WDR26: variants seen among roughly 807,000 people sequenced by gnomAD.
The protein encoded by WDR26 is WD repeat domain 26.
In WDR26, 5 loss-of-function variants were observed where a neutral mutation model predicts 84.1. The ratio of observed to expected loss-of-function variants is 0.06; its 90% confidence interval spans 0.03 to 0.13. WDR26 has a LOEUF of 0.13. WDR26 is among the 10% of genes least tolerant of loss of function. WDR26 has a pLI of 1.00. For missense variants in WDR26, 642 were observed against 974.9 expected (o/e 0.66, Z 4.55); for synonymous variants, 415 against 389.6 (o/e 1.07, Z -0.77).
At chr1:224,389,964 A>C (rs1377557260) in intron 13 of WDR26, 104 bp from the exon 14 acceptor site, 19 of 822,834 alleles carry the variant, frequency 2.3e-5, no homozygotes. Flanking sequence ...TAGCATTATG[A>C]CATTACAAAA....
intron 4 of WDR26, among the ~76,000 whole-genome samples, chr1:224,419,846 T>C (rs1674009187): frequency 6.8e-6 from 1 of 146,232 alleles, no homozygotes; most frequent in East Asian, 2.0e-4. Flanking sequence ...CTTATGTTAT[T>C]GTTATATATT....
intron 7 of WDR26, among the ~76,000 whole-genome samples, chr1:224,406,190 A>C (rs1028115693): frequency 2.0e-5 from 3 of 152,186 alleles, no homozygotes; most frequent in Admixed American, 1.3e-4. Context: ...TGTTATAAAA[A>C]GAAAAAAAGA....
chr1:224,427,925 T>C (rs1012649160), intron 3 of WDR26, among the ~76,000 whole-genome samples: 3 of 152,280 alleles, frequency 2.0e-5, no homozygotes, highest in East Asian at 1.9e-4. Context: ...GCTCTACTAA[T>C]GTTTATATTT....
At chr1:224,413,557 C>G (rs1361566561) in intron 6 of WDR26, among the ~76,000 whole-genome samples, 1 of 152,160 alleles carries the variant, frequency 6.6e-6, no homozygotes, top group Admixed American at 6.5e-5. Context: ...GCTTTAGACA[C>G]TTCACATATA....
chr1:224,392,259 G>A (rs1240671670), intron 13 of WDR26, among the ~76,000 whole-genome samples: 3 of 151,900 alleles, frequency 2.0e-5, no homozygotes, highest in African/African-American at 4.8e-5. Context: ...TACTCGGGAG[G>A]CTGAGGCAGG....
intron 7 of WDR26, among the ~76,000 whole-genome samples, chr1:224,407,638 A>G (rs1673620357): frequency 6.6e-6 from 1 of 151,348 alleles, no homozygotes; most frequent in African/African-American, 2.4e-5. Context: ...CCTCCAAAGT[A>G]GCTGGGACTA....
chr1:224,410,764 T>C (rs186957889), intron 7 of WDR26, among the ~76,000 whole-genome samples: 53 of 146,144 alleles, frequency 3.6e-4, no homozygotes, highest in Non-Finnish European at 1.9e-4. Flanking sequence ...AGTATCAAGG[T>C]CACAGCTCAC....
chr1:224,419,450 T>C, intron 5 of WDR26, 68 bp downstream of exon 5: 1 of 1,198,098 alleles, frequency 8.3e-7, no homozygotes, highest in Non-Finnish European at 1.2e-6. Context: ...TCTGTCTTCC[T>C]AATTGATCAC....
intron 7 of WDR26, among the ~76,000 whole-genome samples, chr1:224,410,101 T>C (rs1043960727): frequency 2.6e-5 from 4 of 151,648 alleles, no homozygotes; most frequent in Non-Finnish European, 4.4e-5. Context: ...GCCAACATGG[T>C]GAAACCCCAT....
chr1:224,393,201 G>A (rs971801000), intron 13 of WDR26, among the ~76,000 whole-genome samples: 2 of 152,168 alleles, frequency 1.3e-5, no homozygotes, highest in Non-Finnish European at 2.9e-5. Flanking sequence ...AATTAGTTTT[G>A]CCATGCTGCA....
chr1:224,401,193 T>A, intron 8 of WDR26, 124 bp from the exon 9 acceptor site: 1 of 898,374 alleles, frequency 1.1e-6, no homozygotes, highest in Non-Finnish European at 1.6e-6. Flanking sequence ...GAGTAATGAA[T>A]TAAGTGACCC....
At chr1:224,423,269 T>C (rs1327923045) in intron 4 of WDR26, among the ~76,000 whole-genome samples, 1 of 152,206 alleles carries the variant, frequency 6.6e-6, no homozygotes, top group Non-Finnish European at 1.5e-5. Flanking sequence ...GAACCTCCAA[T>C]ACAATGTTGA....
intron 1 of WDR26, 141 bp downstream of exon 1, chr1:224,433,543 A>T: frequency 8.4e-7 from 1 of 1,186,900 alleles, no homozygotes; most frequent in Non-Finnish European, 1.1e-6. Context: ...CCTCCTGTGT[A>T]CTGGGTCCTG....
At chr1:224,401,992 G>A (rs1009264209) in intron 8 of WDR26, 2 of 152,124 alleles carry the variant, frequency 1.3e-5, no homozygotes, top group East Asian at 3.8e-4. Context: ...AACTTAGAAG[G>A]TATACACATA....
At chr1:224,401,161 G>T (rs1286169907) in intron 8 of WDR26, 92 bp from the exon 9 acceptor site, 5 of 1,283,038 alleles carry the variant, frequency 3.9e-6, no homozygotes, top group Non-Finnish European at 5.4e-6. Flanking sequence ...TGTCTGGCTG[G>T]TTTCCCAGTT....
intron 3 of WDR26, among the ~76,000 whole-genome samples, chr1:224,426,878 C>T (rs537278093): frequency 6.7e-4 from 101 of 150,904 alleles, no homozygotes; most frequent in African/African-American, 2.3e-3. Context: ...GGGTGGATCA[C>T]GAGGTCAGCA....
Position 224,391,215 on chromosome 1 carries a change from A to C in WDR26, c.2261-1355T>G, listed in dbSNP as rs1414931415. On this transcript the variant is annotated intron_variant, in intron 13 of 13. Transcript: ENST00000414423. ...AACCCCATCTTTACTAAAAATACAA[A>C]ATTAGCCGGGCGTGGTGATGCATGC... Among the ~76,000 whole-genome samples, 3 of 151,678 alleles carry C rather than the reference A, an allele frequency of 2.0e-5. No individual in the cohort carries two copies. The East Asian group carries it at 5.8e-4, about 29-fold the overall frequency.
intron 13 of WDR26, 140 bp from the exon 14 acceptor site, chr1:224,390,000 C>G (rs924293247): frequency 6.5e-6 from 4 of 615,056 alleles, no homozygotes; most frequent in Non-Finnish European, 1.1e-5. Context: ...AAAATCAAAG[C>G]AAATTCTTGA....
At chr1:224,403,161 T>C (rs970477460) in intron 8 of WDR26, among the ~76,000 whole-genome samples, 6 of 151,994 alleles carry the variant, frequency 3.9e-5, no homozygotes, top group African/African-American at 1.4e-4. Context: ...CAAGCGATTC[T>C]CCTGCCTCAG....
Sources: gnomAD v4.1 joint callset for allele counts (sites outside exome capture counted in the v4.1 genomes callset) on GRCh38, gnomAD v4.1.1 for gene constraint, MANE v1.5 for transcripts, NCBI Gene and HGNC (gene_info 2026-07-23, HGNC 2026-07-21) for gene names.